MAFK: variants seen among roughly 807,000 people sequenced by gnomAD.
MAFK encodes transcription factor MafK.
In MAFK, 1 loss-of-function variant was observed where a neutral mutation model predicts 9.2. That is an observed-to-expected ratio of 0.11 (90% CI 0.04 to 0.52). The LOEUF is 0.52. Among genes scored for constraint, MAFK ranks in the 20% least tolerant of loss-of-function variants. The pLI, the probability that MAFK is intolerant of heterozygous loss-of-function variation, is 0.94. For synonymous variants in MAFK, 110 were observed against 107.4 expected, an observed-to-expected ratio of 1.02 and a Z score of -0.15; for missense variants, 207 against 236.0, an observed-to-expected ratio of 0.88 and a Z score of 0.81.
rs1255081664 is a variant in MAFK, at chr7:1,539,038, T to C, written c.-44-111T>C. ...GTGCCCCGTCTTGTTTTCATGGTGC[T>C]GTGACTGTCCACCCCGGGCTGAGAA... On this transcript the variant is annotated intron_variant, in intron 1 of 2. Transcript: ENST00000343242. 17 of 813,524 alleles carry C rather than the reference T, an allele frequency of 2.1e-5. 1 individual carries two copies. Among genetic ancestry groups the C allele is most frequent in the South Asian group, 2.1e-4 (14 of 67,238 alleles). The allele number at this position is 813,524 out of a possible 1,614,324, so 50.4% of individuals were successfully genotyped here. A position where few individuals can be genotyped will look rare whatever the true frequency, so the allele number is the denominator to read the frequency against.
chr7:1,536,281 C>T (rs1367139475), intron 1 of MAFK, among the ~76,000 whole-genome samples: 2 of 152,096 alleles, frequency 1.3e-5, no homozygotes, highest in African/African-American at 2.4e-5. Context: ...CTCGGGGTGT[C>T]GGGTGCTTGT....
chr7:1,532,215 G>A lies in MAFK; in HGVS notation c.-45+1317G>A, dbSNP rs1397421326. On this transcript the variant is annotated intron_variant, in intron 1 of 2. Transcript: ENST00000343242. This position sits in a 1 kb window ranked among gnomAD's most constrained non-coding sequence, Gnocchi z 4.5. ...GTAAGGGGTTCTCCAACACAGAGTGGGGTGCCCTATGCAGCTTCTCCAAAC... is the reference window on the plus strand; with the variant it reads ...GTAAGGGGTTCTCCAACACAGAGTGAGGTGCCCTATGCAGCTTCTCCAAAC... Among the ~76,000 whole-genome samples, 1 of 152,204 alleles carries A rather than the reference G, an allele frequency of 6.6e-6. No individual in the cohort carries two copies. The highest frequency in any genetic ancestry group is 1.5e-5 in the Non-Finnish European group (1 of 68,040).
chr7:1,532,789 C>G lies in MAFK; in HGVS notation c.-45+1891C>G, dbSNP rs1188152120. Among the ~76,000 whole-genome samples, 3 of 152,164 alleles carry G rather than the reference C, an allele frequency of 2.0e-5. No individual in the cohort carries two copies. The East Asian group carries it at 5.8e-4, about 29-fold the overall frequency. On this transcript the variant is annotated intron_variant, in intron 1 of 2. Transcript: ENST00000343242. This position sits in a 1 kb window ranked among gnomAD's most constrained non-coding sequence, Gnocchi z 4.5. Reference sequence around the variant, plus strand: ...AGACGGAGAAGAAGTTGTGCCTGTTCTTGTCCCAGCTGTTTCTGAGTCTAA... The same window carrying G: ...AGACGGAGAAGAAGTTGTGCCTGTTGTTGTCCCAGCTGTTTCTGAGTCTAA...
At chr7:1,539,088 C>G in intron 1 of MAFK, 61 bp from the exon 2 acceptor site, 1 of 1,354,484 alleles carries the variant, frequency 7.4e-7, no homozygotes, top group Non-Finnish European at 1.1e-6. Context: ...GAGGTGGGCA[C>G]CCTGTCCGGC....
rs1053332474 is a variant in MAFK, at chr7:1,532,283, G to A, written c.-45+1385G>A. ...ATGGAGCATTAAAAGAGCCGTGGGC[G>A]GGGTCTGGAGAACATAGGTGGGCTG... On this transcript the variant is annotated intron_variant, in intron 1 of 2. Coordinates refer to ENST00000343242, the MANE Select transcript of MAFK (RefSeq NM_002360.4). The surrounding 1 kb of genome is among the most constrained non-coding windows in gnomAD (Gnocchi z 4.5). Among the ~76,000 whole-genome samples the A allele has an allele frequency of 9.2e-5, 14 of 152,270 alleles. No homozygotes were observed. Among genetic ancestry groups the A allele is most frequent in the African/African-American group, 1.9e-4 (8 of 41,548 alleles).
At chr7:1,537,380 C>T (rs1447121840) in intron 1 of MAFK, 12 of 985,330 alleles carry the variant, frequency 1.2e-5, no homozygotes, top group African/African-American at 5.2e-5. Flanking sequence ...ATAGCTATGT[C>T]GTGGCCGGCC....
At chr7:1,531,961 C>G (rs1194289338) in intron 1 of MAFK, among the ~76,000 whole-genome samples, 3 of 152,252 alleles carry the variant, frequency 2.0e-5, no homozygotes, top group African/African-American at 7.2e-5. Flanking sequence ...TAGATCCACT[C>G]ACCATTCATT....
chr7:1,540,855 C>G lies in MAFK; in HGVS notation c.*480C>G, dbSNP rs966300999. Reference sequence around the variant, plus strand: ...TGCGGGAGCCCCTCACTGCCCTGACCGACTCCGCAGTCCCCGGGGAGGAGC... The same window carrying G: ...TGCGGGAGCCCCTCACTGCCCTGACGGACTCCGCAGTCCCCGGGGAGGAGC... On this transcript the variant is annotated 3_prime_UTR_variant, in exon 3 of 3. Transcript: ENST00000343242. 2 of 164,630 alleles carry G rather than the reference C, an allele frequency of 1.2e-5. No individual in the cohort carries two copies. Among genetic ancestry groups the G allele is most frequent in the Non-Finnish European group, 2.6e-5 (2 of 76,402 alleles). 10.2% of individuals were successfully genotyped at this position (164,630 alleles called of 1,614,324 possible).
At chr7:1,533,536 G>T (rs1401010222) in intron 1 of MAFK, among the ~76,000 whole-genome samples, 1 of 152,228 alleles carries the variant, frequency 6.6e-6, no homozygotes, top group Non-Finnish European at 1.5e-5. Flanking sequence ...GCATTGGGGT[G>T]GGGGAGTCGG....
chr7:1,540,312 C>CA lies in MAFK; in HGVS notation c.409dup (p.Ile137AsnfsTer120). 1 of 1,610,148 alleles carries CA rather than the reference C, an allele frequency of 6.2e-7. No homozygotes were observed. The highest frequency in any genetic ancestry group is 8.5e-7 in the Non-Finnish European group (1 of 1,178,202). The stretch of plus-strand genomic sequence containing the variant: ...CCTCCAAGGTGGCCACCACCAGCGT[C>CA]ATCACCATCGTCAAGTCCACCGAGC... On this transcript the variant is annotated frameshift_variant, in exon 3 of 3. Coordinates refer to ENST00000343242, the MANE Select transcript of MAFK (RefSeq NM_002360.4). LOFTEE classifies it high-confidence loss of function.
At chr7:1,539,384 A>G (rs1784117704) in intron 2 of MAFK, among the ~76,000 whole-genome samples, 156 bp downstream of exon 2, 1 of 152,128 alleles carries the variant, frequency 6.6e-6, no homozygotes, top group Non-Finnish European at 1.5e-5. Context: ...GGATGTTCAC[A>G]GGAGAGGTGG....
Position 1,540,498 on chromosome 7 carries a change from G to T in MAFK, c.*123G>T. The T allele has an allele frequency of 1.0e-6, 1 of 994,012 alleles. No individual in the cohort carries two copies. Among genetic ancestry groups the T allele is most frequent in the South Asian group, 1.7e-5 (1 of 58,672 alleles). 61.6% of individuals were successfully genotyped at this position (994,012 alleles called of 1,614,324 possible). ...CCGAGTCCAAGCGCAGGCCCCTCGG[G>T]CGCAGGCAGCTCACACCAGGAAGAG... On this transcript the variant is annotated 3_prime_UTR_variant, in exon 3 of 3. Coordinates refer to ENST00000343242, the MANE Select transcript of MAFK (RefSeq NM_002360.4).
rs891717407 is a variant in MAFK at position 1,540,652 on chromosome 7, G to A, written c.*277G>A. On this transcript the variant is annotated 3_prime_UTR_variant, in exon 3 of 3. Transcript: ENST00000343242. ...GTGTGGGAATTGGTATCTTGCACCC[G>A]TGGGAGTCGGGACATATAATGGAAA... 4.1e-5 allele frequency: 19 copies of A among 460,396 alleles called. No individual in the cohort carries two copies. In the South Asian group the frequency reaches 5.4e-4, roughly 13 times the overall value. 28.5% of individuals were successfully genotyped at this position (460,396 alleles called of 1,614,324 possible).
At chr7:1,537,001 A>T (rs2128551649) in intron 1 of MAFK, among the ~76,000 whole-genome samples, 1 of 152,220 alleles carries the variant, frequency 6.6e-6, no homozygotes, top group East Asian at 1.9e-4. Context: ...GCCTCGAAGT[A>T]CTGGGGTTGG....
At chr7:1,539,458 C>G (rs1784121619) in intron 2 of MAFK, among the ~76,000 whole-genome samples, 1 of 152,192 alleles carries the variant, frequency 6.6e-6, no homozygotes, top group African/African-American at 2.4e-5. Context: ...GCAGGGTCTG[C>G]TGCCTTCCCG....
rs1052560239 is a variant in MAFK, at chr7:1,537,294, A to G, written c.-44-1855A>G. 16 of 807,962 alleles carry G rather than the reference A, an allele frequency of 2.0e-5. 2 individuals are homozygous for G. The South Asian group carries it at 8.4e-4, about 42-fold the overall frequency. 50.0% of individuals were successfully genotyped at this position (807,962 alleles called of 1,614,324 possible). ...CGGGCAGTGGGCCCGGGGGCCCAGG[A>G]GCGGGTCCTTGCTGGGTGGGAGGCC... is the stretch of plus-strand genomic sequence containing the variant. On this transcript the variant is annotated intron_variant, in intron 1 of 2. Coordinates refer to ENST00000343242, the MANE Select transcript of MAFK (RefSeq NM_002360.4).
intron 1 of MAFK, chr7:1,538,559 C>G: frequency 2.0e-6 from 1 of 500,302 alleles, no homozygotes; most frequent in Non-Finnish European, 2.6e-6. Context: ...TCCCCAGAGG[C>G]CCCCTCTCGG....
intron 1 of MAFK, among the ~76,000 whole-genome samples, chr7:1,535,118 T>TA (rs1783998039): frequency 6.9e-6 from 1 of 144,254 alleles, no homozygotes. Context: ...GATGGGGCCT[T>TA]GTTATGTTGC....
intron 1 of MAFK, chr7:1,533,942 G>A (rs1351372323): frequency 1.1e-5 from 3 of 283,804 alleles, no homozygotes; most frequent in Non-Finnish European, 1.4e-5. Flanking sequence ...GAGCCAGGGC[G>A]GGGACTGGAG....
Sources: allele counts gnomAD v4.1 joint callset (sites outside exome capture counted in the v4.1 genomes callset), GRCh38; gene constraint gnomAD v4.1.1; non-coding constraint Gnocchi (gnomAD v3.1); transcripts MANE v1.5; gene names NCBI Gene and HGNC (gene_info 2026-07-23, HGNC 2026-07-21).